Variants in SGSM1 observed in about 807,000 individuals in gnomAD.
SGSM1 encodes the protein small G protein signaling modulator 1.
Under a neutral mutation model 133.8 loss-of-function variants are expected in SGSM1, and 73 were observed. The observed-to-expected ratio is 0.55, with a 90% confidence interval of 0.45 to 0.66. The LOEUF is 0.66. SGSM1 is among the 30% of genes least tolerant of loss of function. The pLI is 0.00. For synonymous variants in SGSM1, 563 were observed against 573.0 expected, an observed-to-expected ratio of 0.98 and a Z score of 0.25; for missense variants, 1,213 against 1,448.1, an observed-to-expected ratio of 0.84 and a Z score of 2.64.
intron 5 of SGSM1, among the ~76,000 whole-genome samples, chr22:24,854,204 G>A (rs1051396646): frequency 1.3e-5 from 2 of 152,174 alleles, no homozygotes; most frequent in African/African-American, 4.8e-5. Flanking sequence ...GCATTTTTGA[G>A]CATATTTGAG....
Position 24,926,860 on chromosome 22 carries a change from G to C in SGSM1, c.*2586G>C, listed in dbSNP as rs1187986341. On this transcript the variant is annotated 3_prime_UTR_variant, in exon 25 of 25. Coordinates refer to ENST00000400358, the MANE Select transcript of SGSM1 (RefSeq NM_001098497.3). ...GAAATATGTGAATCTGTTTTTTTTT[G>C]TCTTTTTTTTTTTAATTTGAAAGAA... 1 of 144,570 alleles carries C rather than the reference G, an allele frequency of 6.9e-6. No individual in the cohort carries two copies. Among genetic ancestry groups the C allele is most frequent in the Non-Finnish European group, 1.5e-5 (1 of 65,732 alleles). 9.0% of individuals were successfully genotyped at this position (144,570 alleles called of 1,614,324 possible).
At chr22:24,891,948 G>A (rs547252342) in intron 16 of SGSM1, among the ~76,000 whole-genome samples, 5 of 152,282 alleles carry the variant, frequency 3.3e-5, no homozygotes, top group Admixed American at 2.0e-4. Flanking sequence ...GGCAGGAAGG[G>A]CATGGTGGGT....
chr22:24,872,490 TA>T (rs554512814), intron 12 of SGSM1, among the ~76,000 whole-genome samples: 42 of 148,340 alleles, frequency 2.8e-4, no homozygotes, highest in Middle Eastern at 3.5e-3. Flanking sequence ...GAGACTTTGT[TA>T]AAAAAAAAAG....
At chr22:24,833,461 C>G (rs1249810680) in intron 2 of SGSM1, among the ~76,000 whole-genome samples, 1 of 151,658 alleles carries the variant, frequency 6.6e-6, no homozygotes, top group Non-Finnish European at 1.5e-5. Context: ...AGATCGAGAC[C>G]ATCCTGGCCA....
At chr22:24,825,274 A>G (rs915759030) in intron 2 of SGSM1, among the ~76,000 whole-genome samples, 1 of 152,180 alleles carries the variant, frequency 6.6e-6, no homozygotes, top group Non-Finnish European at 1.5e-5. Context: ...ATGTTGGTCC[A>G]TGCAACTTAT....
intron 15 of SGSM1, among the ~76,000 whole-genome samples, chr22:24,884,451 GC>G (rs1293967364): frequency 1.3e-5 from 2 of 152,212 alleles, no homozygotes; most frequent in East Asian, 3.8e-4. Flanking sequence ...TCAGTCTGTA[GC>G]ATTTATTATT....
At chr22:24,865,384 T>G (rs1931389070) in intron 9 of SGSM1, among the ~76,000 whole-genome samples, 1 of 152,176 alleles carries the variant, frequency 6.6e-6, no homozygotes, top group Non-Finnish European at 1.5e-5. Context: ...GCTGCCCTTG[T>G]GTTCTTGACT....
chr22:24,912,460 C>T (rs1174456805), intron 21 of SGSM1, among the ~76,000 whole-genome samples, 183 bp from the exon 22 acceptor site: 1 of 152,264 alleles, frequency 6.6e-6, no homozygotes, highest in African/African-American at 2.4e-5. Flanking sequence ...AGGCAGATCA[C>T]GAGGTCAGGA....
chr22:24,899,712 A>G (rs1280113690), intron 19 of SGSM1, among the ~76,000 whole-genome samples: 2 of 151,622 alleles, frequency 1.3e-5, no homozygotes, highest in African/African-American at 4.8e-5. Context: ...TAGTAGAGAT[A>G]GGGTTTCACC....
intron 22 of SGSM1, among the ~76,000 whole-genome samples, chr22:24,914,126 T>TA (rs1452173211): frequency 2.6e-5 from 4 of 151,486 alleles, no homozygotes; most frequent in South Asian, 4.2e-4. Context: ...CTGTCTCTAC[T>TA]AAAAAAATAC....
intron 2 of SGSM1, among the ~76,000 whole-genome samples, chr22:24,834,735 C>T (rs1358108260): frequency 3.3e-5 from 5 of 149,922 alleles, no homozygotes; most frequent in Non-Finnish European, 4.4e-5. Context: ...ATGATCTTCA[C>T]TTTGTATATA....
rs771209214 is a variant in SGSM1, at chr22:24,901,902, A to T, written c.2680A>T (p.Asn894Tyr). ...IEKDVQRCDR[N>Y]YWYFTPANLE... is the part of the protein sequence containing the mutation. ...GAAGGATGTGCAGAGGTGCGACCGC[A>T]ACTACTGGTACTTCACGCCCGCCAA... Residue 894 changes from asparagine (N) to tyrosine (Y), a missense_variant, in exon 20 of 25, where the codon AAC becomes TAC. Physicochemically the swap from Asn to Tyr is moderately radical, Grantham distance 143. Coordinates refer to ENST00000400358, the MANE Select transcript of SGSM1 (RefSeq NM_001098497.3). 3.1e-6 allele frequency: 5 copies of T among 1,607,454 alleles called. No homozygotes were observed. The highest frequency in any genetic ancestry group is 1.1e-5 in the South Asian group (1 of 89,402).
chr22:24,889,486 T>C lies in SGSM1; in HGVS notation c.1770+2758T>C, dbSNP rs537659643. On this transcript the variant is annotated intron_variant, in intron 16 of 24. Transcript: ENST00000400358. ...GTGCAGTGGTGTGATCTTGGCTTAC[T>C]GCAACCTCCGTCTCCCAGGCTCAAG... Among the ~76,000 whole-genome samples, 97 of 151,238 alleles carry C rather than the reference T, an allele frequency of 6.4e-4. 1 individual carries two copies. The South Asian group carries it at 0.019, about 30-fold the overall frequency.
intron 19 of SGSM1, among the ~76,000 whole-genome samples, chr22:24,899,385 A>G (rs544966063): frequency 8.5e-5 from 13 of 152,154 alleles, no homozygotes; most frequent in Middle Eastern, 3.4e-3. Context: ...ATGTGTCATT[A>G]TCATTCACAA....
intron 17 of SGSM1, among the ~76,000 whole-genome samples, chr22:24,893,889 G>T (rs946260039): frequency 6.6e-6 from 1 of 152,118 alleles, no homozygotes; most frequent in Non-Finnish European, 1.5e-5. Flanking sequence ...GTGTAGAGGA[G>T]GTTCGTGTAC....
chr22:24,818,039 C>G (rs1928213367), intron 2 of SGSM1, among the ~76,000 whole-genome samples: 1 of 151,962 alleles, frequency 6.6e-6, no homozygotes, highest in Admixed American at 6.6e-5. Flanking sequence ...CGATACCAGC[C>G]TGGCCAACAT....
intron 18 of SGSM1, 149 bp downstream of exon 18, chr22:24,895,440 T>C: frequency 1.2e-6 from 1 of 841,836 alleles, no homozygotes. Flanking sequence ...TTTTTGTTTT[T>C]TGTTTAGTAA....
At chr22:24,851,450 GAGAGAGAGAGA>G (rs1569147651) in intron 5 of SGSM1, among the ~76,000 whole-genome samples, 3 of 39,722 alleles carry the variant, frequency 7.6e-5, no homozygotes, top group East Asian at 9.1e-4. Flanking sequence ...GGGGTGGGGG[GAGAGAGAGAGA>G]GAGAGAGAGA....
intron 12 of SGSM1, 143 bp from the exon 13 acceptor site, chr22:24,876,434 T>C (rs1932026907): frequency 2.8e-6 from 3 of 1,064,082 alleles, no homozygotes; most frequent in Non-Finnish European, 4.2e-6. Flanking sequence ...TTAGGGCTGC[T>C]GTTTCCTACT....
Sources: allele counts gnomAD v4.1 joint callset (sites outside exome capture counted in the v4.1 genomes callset), GRCh38; gene constraint gnomAD v4.1.1; transcripts MANE v1.5; gene names NCBI Gene and HGNC (gene_info 2026-07-23, HGNC 2026-07-21).